Variants in CCDC93 observed in about 807,000 individuals in gnomAD.
CCDC93 encodes the protein CCC complex scaffolding subunit CCDC93, also known as coiled-coil domain-containing protein 93.
A neutral mutation model predicts 108.2 loss-of-function variants in CCDC93; 61 were observed. That is an observed-to-expected ratio of 0.56 (90% CI 0.46 to 0.70). CCDC93 has a LOEUF of 0.70. Ranked by LOEUF, CCDC93 falls within the 30% of genes least tolerant of loss-of-function variation. CCDC93 has a pLI of 0.00. For synonymous variants in CCDC93, 276 were observed against 260.4 expected (o/e 1.06, Z -0.58); for missense variants, 685 against 764.2 (o/e 0.90, Z 1.22).
At chr2:117,973,828 G>C (rs2104780622) in intron 11 of CCDC93, 80 bp downstream of exon 11, 2 of 1,050,978 alleles carry the variant, frequency 1.9e-6, no homozygotes, top group South Asian at 1.4e-5. Flanking sequence ...GGCACTGCTG[G>C]GGTAGTGGGG....
intron 13 of CCDC93, chr2:117,950,301 A>G (rs1469497899): frequency 1.0e-6 from 1 of 985,062 alleles, no homozygotes; most frequent in Non-Finnish European, 1.2e-6. Flanking sequence ...TGATCTTAAT[A>G]GTTACAGAGC....
chr2:117,933,797 G>A (rs571375653), intron 22 of CCDC93, among the ~76,000 whole-genome samples: 21 of 148,882 alleles, frequency 1.4e-4, no homozygotes, highest in African/African-American at 4.9e-4. Flanking sequence ...AACATTCAAA[G>A]CGTATCTGGA....
At chr2:117,955,123 A>G (rs1679178671) in intron 12 of CCDC93, among the ~76,000 whole-genome samples, 1 of 152,222 alleles carries the variant, frequency 6.6e-6, no homozygotes, top group Non-Finnish European at 1.5e-5. Flanking sequence ...TCCCCTTCAT[A>G]AGGATGTTGT....
intron 22 of CCDC93, among the ~76,000 whole-genome samples, chr2:117,933,265 C>T (rs1254774911): frequency 6.6e-6 from 1 of 152,150 alleles, no homozygotes; most frequent in Non-Finnish European, 1.5e-5. Flanking sequence ...CAATAAAGAC[C>T]ATTTTTCTTC....
chr2:117,954,406 T>C (rs576563154), intron 12 of CCDC93, among the ~76,000 whole-genome samples: 2 of 152,220 alleles, frequency 1.3e-5, no homozygotes, highest in Admixed American at 1.3e-4. Flanking sequence ...AAGAAAAGGC[T>C]CATCTCTTTT....
At chr2:117,972,317 G>C (rs1227479153) in intron 11 of CCDC93, among the ~76,000 whole-genome samples, 1 of 152,238 alleles carries the variant, frequency 6.6e-6, no homozygotes, top group Admixed American at 6.5e-5. Context: ...GTCCAAGACA[G>C]ATAAACCAGA....
At position 117,935,566 on chromosome 2, in the gene CCDC93, G is replaced by C. The variant is rs1026172454; in HGVS notation, c.1657C>G (p.Pro553Ala). ...HENFSQAMAS[P>A]AARDQFLRQM... ...CGTAAAAACTGGTCCCGGGCAGCAG[G>C]GGAGGCCATGGCCCTGAAAGAAAAA... The change falls in exon 22 of 24, where the codon CCT (proline) becomes GCT (alanine). Residue 553 changes from proline to alanine, a missense_variant. By Grantham distance (27) the Pro-to-Ala change is conservative. Coordinates refer to ENST00000376300, the MANE Select transcript of CCDC93 (RefSeq NM_019044.5). 1.4e-5 allele frequency: 22 copies of C among 1,613,570 alleles called. No individual in the cohort carries two copies. The highest frequency in any genetic ancestry group is 1.7e-5 in the Admixed American group (1 of 59,990).
chr2:117,939,054 T>C lies in CCDC93; in HGVS notation c.1580A>G (p.Asp527Gly), dbSNP rs762519962. ...QFFTLYNTLD[D>G]KKVYLEKEIS... ...CTCTTTTTCCAAATAAACCTTTTTA[T>C]CATCCAGGGTATTATATAAAGTGAA... The change falls in exon 20 of 24, where the codon GAT (aspartate) becomes GGT (glycine). Residue 527 changes from aspartate to glycine, a missense_variant. Coordinates refer to ENST00000376300, the MANE Select transcript of CCDC93 (RefSeq NM_019044.5). 2.2e-5 allele frequency: 35 copies of C among 1,600,812 alleles called. No homozygotes were observed. The highest frequency in any genetic ancestry group is 2.8e-5 in the Non-Finnish European group (33 of 1,168,586).
chr2:117,944,393 T>C (rs772207284), intron 17 of CCDC93, among the ~76,000 whole-genome samples: 1 of 151,722 alleles, frequency 6.6e-6, no homozygotes, highest in Non-Finnish European at 1.5e-5. Context: ...AGACAAATCA[T>C]TAGTTAAAGA....
At chr2:117,952,519 A>T (rs1022111380) in intron 12 of CCDC93, 84 bp from the exon 13 acceptor site, 1 of 1,037,554 alleles carries the variant, frequency 9.6e-7, no homozygotes, top group African/African-American at 1.6e-5. Flanking sequence ...AGAAAATGAA[A>T]GCTCAGAAAG....
At chr2:117,936,657 C>A (rs1678535211) in intron 21 of CCDC93, 45 bp downstream of exon 21, 6 of 1,526,020 alleles carry the variant, frequency 3.9e-6, no homozygotes, top group Non-Finnish European at 5.5e-6. Flanking sequence ...ATTCAAAGCG[C>A]AGGCCGGCAG....
At chr2:117,972,183 C>T (rs1219329864) in intron 11 of CCDC93, among the ~76,000 whole-genome samples, 1 of 152,186 alleles carries the variant, frequency 6.6e-6, no homozygotes, top group Admixed American at 6.5e-5. Context: ...CCACACAGTC[C>T]AAACCTGTGT....
intron 12 of CCDC93, among the ~76,000 whole-genome samples, chr2:117,954,259 T>C (rs1679150369): frequency 6.6e-6 from 1 of 152,104 alleles, no homozygotes; most frequent in South Asian, 2.1e-4. Context: ...AACTGTGGGA[T>C]TAAAATATGA....
Position 117,920,370 on chromosome 2 carries a change from C to T in CCDC93, c.1869G>A (p.Leu623=). The part of the protein sequence containing the change: ...KEEGRKNEML[L]SKVKAKAS ...AGGAGGCCTTCGCTTTCACCTTGGA[C>T]AGCAGCATCTCGTTCTTGCGGCCCT... is the stretch of plus-strand genomic sequence containing the variant. The change falls in exon 24 of 24, where the codon CTG becomes CTA. Residue 623 remains leucine, a synonymous_variant. Transcript: ENST00000376300. 1 of 1,613,416 alleles carries T rather than the reference C, an allele frequency of 6.2e-7. No individual in the cohort carries two copies. The highest frequency in any genetic ancestry group is 1.1e-5 in the South Asian group (1 of 90,976).
chr2:117,995,556 A>G, intron 5 of CCDC93, 54 bp from the exon 6 acceptor site: 4 of 1,269,618 alleles, frequency 3.2e-6, no homozygotes, highest in Non-Finnish European at 4.4e-6. Context: ...TTAAAACTCA[A>G]GTGGACCACT....
At chr2:117,955,945 A>G (rs1409542671) in intron 12 of CCDC93, among the ~76,000 whole-genome samples, 1 of 152,224 alleles carries the variant, frequency 6.6e-6, no homozygotes, top group Non-Finnish European at 1.5e-5. Context: ...TCTTATCTTT[A>G]TATACTTCTA....
chr2:117,966,930 A>C (rs1055916709), intron 11 of CCDC93, among the ~76,000 whole-genome samples: 1 of 152,338 alleles, frequency 6.6e-6, no homozygotes, highest in East Asian at 1.9e-4. Flanking sequence ...GATGATCTAA[A>C]ATACACCTTG....
At chr2:117,935,467 C>T (rs1448624007) in intron 22 of CCDC93, 28 bp downstream of exon 22, 2 of 1,551,354 alleles carry the variant, frequency 1.3e-6, no homozygotes, top group Non-Finnish European at 1.8e-6. Context: ...AAAACCTGGG[C>T]TGCATTACAG....
intron 7 of CCDC93, among the ~76,000 whole-genome samples, chr2:117,981,327 T>C (rs1420350309): frequency 6.6e-6 from 1 of 152,194 alleles, no homozygotes; most frequent in East Asian, 1.9e-4. Context: ...GCCTCATCCA[T>C]GTCACAAAGT....
Sources: gnomAD v4.1 joint callset for allele counts (sites outside exome capture counted in the v4.1 genomes callset) on GRCh38, gnomAD v4.1.1 for gene constraint, MANE v1.5 for transcripts, NCBI Gene and HGNC (gene_info 2026-07-23, HGNC 2026-07-21) for gene names.